The following HDAC9 variants were observed in gnomAD, a reference collection of about 807,000 sequenced individuals.
HDAC9 encodes the protein MEF-2 interacting transcription repressor (MITR) protein.
Under a neutral mutation model 139.4 loss-of-function variants are expected in HDAC9, and 41 were observed. The ratio of observed to expected loss-of-function variants is 0.29; its 90% CI spans 0.23 to 0.38. The LOEUF is 0.38. Among genes scored for constraint, HDAC9 ranks in the 10% least tolerant of loss-of-function variants. The pLI, the probability that HDAC9 is intolerant of heterozygous loss-of-function variation, is 1.00. For synonymous variants in HDAC9, 517 were observed against 476.2 expected, an observed-to-expected ratio of 1.09 and a Z score of -1.12; for missense variants, 1,147 against 1,297.0, an observed-to-expected ratio of 0.88 and a Z score of 1.78.
intron 2 of HDAC9, among the ~76,000 whole-genome samples, chr7:18,275,540 G>T (rs1242464753): frequency 6.6e-6 from 1 of 152,128 alleles, no homozygotes; most frequent in African/African-American, 2.4e-5. Flanking sequence ...TGTGTGGTAT[G>T]GTCCTTGCCA....
At chr7:18,777,239 C>T (rs1790847261) in intron 16 of HDAC9, among the ~76,000 whole-genome samples, 1 of 151,982 alleles carries the variant, frequency 6.6e-6, no homozygotes, top group African/African-American at 2.4e-5. Context: ...ACATACTTTT[C>T]TTTTTAAATT....
intron 19 of HDAC9, among the ~76,000 whole-genome samples, chr7:18,829,971 T>C (rs1316199959): frequency 1.3e-5 from 2 of 152,168 alleles, no homozygotes; most frequent in Non-Finnish European, 2.9e-5. Context: ...GCAACAGTGG[T>C]ATTATTAAAA....
chr7:18,455,474 A>G (rs558028326), intron 1 of HDAC9, among the ~76,000 whole-genome samples: 48 of 152,322 alleles, frequency 3.2e-4, no homozygotes, highest in African/African-American at 1.1e-3. Flanking sequence ...TGTTACTGGT[A>G]TTTATCTTTT....
Position 18,518,008 on chromosome 7 carries a change from C to T in HDAC9, c.22+21684C>T, listed in dbSNP as rs899393681. The stretch of plus-strand genomic sequence containing the variant: ...CTCACACTTACAGTTATACAGTGTT[C>T]ACACATACATTTTTCATTGTTTTCT... On this transcript the variant is annotated intron_variant, in intron 2 of 25. Coordinates refer to ENST00000686413, the MANE Select transcript of HDAC9 (RefSeq NM_178425.4). 6 of 152,264 alleles carry T rather than the reference C, an allele frequency of 3.9e-5. No homozygotes were observed. In the Middle Eastern group the frequency reaches 0.014, roughly 345 times the overall value. The allele number at this position is 152,264 out of a possible 1,614,324, so 9.4% of individuals were successfully genotyped here.
At chr7:18,978,188 G>C (rs1234537499) in intron 25 of HDAC9, among the ~76,000 whole-genome samples, 8 of 152,152 alleles carry the variant, frequency 5.3e-5, no homozygotes, top group Non-Finnish European at 1.2e-4. Context: ...GTGAAGGCAA[G>C]ATTCCTTTTA....
intron 21 of HDAC9, among the ~76,000 whole-genome samples, chr7:18,863,422 TAAAAC>T (rs1798258222): frequency 6.6e-6 from 1 of 152,224 alleles, no homozygotes; most frequent in Non-Finnish European, 1.5e-5. Context: ...TAAACTTTCT[TAAAAC>T]ATAATGTTTT....
chr7:18,371,508 C>A (rs1272941141), intron 1 of HDAC9, among the ~76,000 whole-genome samples: 1 of 151,944 alleles, frequency 6.6e-6, no homozygotes, highest in Non-Finnish European at 1.5e-5. Flanking sequence ...ATTTTGGTAT[C>A]CATTATATCT....
chr7:18,352,001 A>G (rs1207897613), intron 1 of HDAC9, among the ~76,000 whole-genome samples: 1 of 152,226 alleles, frequency 6.6e-6, no homozygotes, highest in East Asian at 1.9e-4. Flanking sequence ...AGCTGTGGAG[A>G]ACAAAAGCTC....
intron 1 of HDAC9, among the ~76,000 whole-genome samples, chr7:18,138,353 A>G (rs1350168545): frequency 6.6e-6 from 1 of 152,002 alleles, no homozygotes; most frequent in Non-Finnish European, 1.5e-5. Flanking sequence ...TTGCAAGGAC[A>G]TCTTCTGCTG....
intron 6 of HDAC9, among the ~76,000 whole-genome samples, chr7:18,606,355 C>A (rs1835497936): frequency 6.6e-6 from 1 of 152,082 alleles, no homozygotes; most frequent in African/African-American, 2.4e-5. Context: ...TTTTAAAACT[C>A]AACTTTTTCA....
chr7:18,564,593 A>T (rs2128719733), intron 2 of HDAC9, among the ~76,000 whole-genome samples: 1 of 152,292 alleles, frequency 6.6e-6, no homozygotes, highest in African/African-American at 2.4e-5. Flanking sequence ...TTATTTTTTT[A>T]TTCTAAATAG....
chr7:18,414,473 G>A (rs570183791), intron 1 of HDAC9, among the ~76,000 whole-genome samples: 21 of 151,564 alleles, frequency 1.4e-4, no homozygotes, highest in African/African-American at 5.1e-4. Flanking sequence ...CTAACTACAA[G>A]GACATACCTT....
At chr7:18,759,453 T>A (rs1789177721) in intron 14 of HDAC9, among the ~76,000 whole-genome samples, 1 of 151,812 alleles carries the variant, frequency 6.6e-6, no homozygotes, top group Non-Finnish European at 1.5e-5. Flanking sequence ...CTTATGAGGA[T>A]CAAATGTCTG....
chr7:18,751,178 A>G (rs1292695034), intron 14 of HDAC9, among the ~76,000 whole-genome samples: 2 of 152,186 alleles, frequency 1.3e-5, no homozygotes, highest in African/African-American at 2.4e-5. Context: ...ATTTGAAACC[A>G]TACAATTCAG....
intron 1 of HDAC9, among the ~76,000 whole-genome samples, chr7:18,390,395 C>T (rs1218043425): frequency 1.3e-5 from 2 of 152,098 alleles, no homozygotes; most frequent in Non-Finnish European, 2.9e-5. Context: ...TCACAGCAAC[C>T]ATTGGTTCCT....
At chr7:18,943,821 G>A (rs1364193972) in intron 23 of HDAC9, among the ~76,000 whole-genome samples, 1 of 151,992 alleles carries the variant, frequency 6.6e-6, no homozygotes, top group Non-Finnish European at 1.5e-5. Flanking sequence ...CTATTGACCA[G>A]AGATATTTCT....
chr7:18,670,483 A>G (rs114961031), intron 12 of HDAC9, among the ~76,000 whole-genome samples: 1,986 of 152,208 alleles, frequency 0.013, 42 homozygotes, highest in African/African-American at 0.044. Context: ...TTAGAAAAAG[A>G]TGTTTACTTT....
intron 2 of HDAC9, among the ~76,000 whole-genome samples, chr7:18,212,487 A>T (rs569491268): frequency 7.2e-5 from 11 of 152,308 alleles, no homozygotes; most frequent in Admixed American, 5.2e-4. Context: ...AAAGATACAG[A>T]TGTGAGTCCT....
At chr7:18,727,851 C>A in intron 13 of HDAC9, 94 bp downstream of exon 13, 3 of 1,000,186 alleles carry the variant, frequency 3.0e-6, no homozygotes, top group Non-Finnish European at 4.1e-6. Flanking sequence ...ACTCCAATAG[C>A]AGAACACTCC....
Sources: gnomAD v4.1 joint callset for allele counts (sites outside exome capture counted in the v4.1 genomes callset) on GRCh38, gnomAD v4.1.1 for gene constraint, MANE v1.5 for transcripts, NCBI Gene and HGNC (gene_info 2026-07-23, HGNC 2026-07-21) for gene names.